Variants in DLC1 observed in about 807,000 individuals in gnomAD.
The protein encoded by DLC1 is rho GTPase-activating protein 7.
In DLC1, 54 loss-of-function variants were observed where a neutral mutation model predicts 140.3. The observed-to-expected ratio is 0.38, with a 90% CI of 0.31 to 0.48. The LOEUF (loss-of-function observed/expected upper bound fraction) is 0.48, where lower values mean the gene tolerates loss of function less well. DLC1 is among the 20% of genes least tolerant of loss of function. DLC1 has a pLI of 0.96. For missense variants in DLC1, 2,536 were observed against 1,907.0 expected, an observed-to-expected ratio of 1.33 and a Z score of -6.14; for synonymous variants, 986 against 728.1, an observed-to-expected ratio of 1.35 and a Z score of -5.70.
intron 2 of DLC1, among the ~76,000 whole-genome samples, chr8:13,421,913 G>A (rs1312903638): frequency 6.6e-6 from 1 of 151,996 alleles, no homozygotes; most frequent in Non-Finnish European, 1.5e-5. Context: ...TTCTCCATAT[G>A]AACTATGTAC....
chr8:13,263,395 C>T (rs1481002864), intron 5 of DLC1, among the ~76,000 whole-genome samples: 1 of 151,970 alleles, frequency 6.6e-6, no homozygotes, highest in African/African-American at 2.4e-5. Flanking sequence ...ATGTTATTAT[C>T]ATCTTTAAAT....
At position 13,494,279 on chromosome 8, in the gene DLC1, CT is replaced by C. The variant is rs553514283; in HGVS notation, c.1023+4769del. Among the ~76,000 whole-genome samples, 107 of 152,270 alleles carry C rather than the reference CT, an allele frequency of 7.0e-4. 1 individual carries two copies. In the South Asian group the frequency reaches 0.017, roughly 24 times the overall value. On this transcript the variant is annotated intron_variant, in intron 2 of 17. Coordinates refer to ENST00000276297, the MANE Select transcript of DLC1 (RefSeq NM_182643.3). ...AGTTATCTCTCAATATAAATTGTCC[CT>C]TACGTCTTTGATAATAGAACTTTTA...
intron 2 of DLC1, among the ~76,000 whole-genome samples, chr8:13,406,708 C>T (rs910731634): frequency 6.6e-6 from 1 of 152,216 alleles, no homozygotes; most frequent in Non-Finnish European, 1.5e-5. Flanking sequence ...ACTGTTGGTG[C>T]CCAGAATTAA....
intron 2 of DLC1, among the ~76,000 whole-genome samples, chr8:13,460,367 G>C (rs1313778866): frequency 6.6e-6 from 1 of 152,168 alleles, no homozygotes; most frequent in African/African-American, 2.4e-5. Flanking sequence ...CTTACTAAAA[G>C]ACTTCTGTAC....
At chr8:13,561,249 A>C (rs901191921) in intron 1 of DLC1, among the ~76,000 whole-genome samples, 1 of 151,844 alleles carries the variant, frequency 6.6e-6, no homozygotes, top group African/African-American at 2.4e-5. Flanking sequence ...CCTCCTCAGT[A>C]GCTAGGACTA....
At chr8:13,177,984 A>G (rs561286421) in intron 5 of DLC1, among the ~76,000 whole-genome samples, 69 of 152,330 alleles carry the variant, frequency 4.5e-4, no homozygotes, top group African/African-American at 1.2e-3. Flanking sequence ...TATTTAAGAT[A>G]ATAAGATATA....
In DLC1 at chr8:13,431,401, T is replaced by A. The variant is rs530913859; in HGVS notation, c.1024-29782A>T. Reference sequence around the variant, plus strand: ...GGGAGGCTGAGGCAGGAGAATGGTGTGAACCCGGGAGGCGGAGCTTGCAGT... The same window carrying A: ...GGGAGGCTGAGGCAGGAGAATGGTGAGAACCCGGGAGGCGGAGCTTGCAGT... On this transcript the variant is annotated intron_variant, in intron 2 of 17. Coordinates refer to ENST00000276297, the MANE Select transcript of DLC1 (RefSeq NM_182643.3). Among the ~76,000 whole-genome samples the A allele has an allele frequency of 1.0e-4, 14 of 136,322 alleles. No individual in the cohort carries two copies. In the East Asian group the frequency reaches 3.1e-3, roughly 30 times the overall value. 89.4% of individuals were successfully genotyped at this position (136,322 alleles called of 152,430 possible). A position where few individuals can be genotyped will look rare whatever the true frequency, so the allele number is the denominator to read the frequency against.
chr8:13,273,991 C>G (rs1039787302), intron 5 of DLC1, among the ~76,000 whole-genome samples: 3 of 152,062 alleles, frequency 2.0e-5, no homozygotes, highest in African/African-American at 4.8e-5. Context: ...CACTTTTTAC[C>G]TGTTACCTCA....
intron 4 of DLC1, among the ~76,000 whole-genome samples, chr8:13,313,007 CCT>C (rs781092495): frequency 1.1e-4 from 17 of 152,092 alleles, no homozygotes; most frequent in Non-Finnish European, 1.3e-4. Context: ...ATGTTACACT[CCT>C]CATAATGATT....
At chr8:13,281,561 T>G (rs534402719) in intron 5 of DLC1, among the ~76,000 whole-genome samples, 1 of 152,192 alleles carries the variant, frequency 6.6e-6, no homozygotes. Flanking sequence ...AATTTATACA[T>G]AAATAAATAT....
At chr8:13,231,365 A>G (rs1829039436) in intron 5 of DLC1, among the ~76,000 whole-genome samples, 1 of 152,206 alleles carries the variant, frequency 6.6e-6, no homozygotes, top group Non-Finnish European at 1.5e-5. Flanking sequence ...TTTCCCACTG[A>G]TGACTGTGTG....
chr8:13,327,054 A>T (rs1833381662), intron 4 of DLC1, among the ~76,000 whole-genome samples: 1 of 149,662 alleles, frequency 6.7e-6, no homozygotes, highest in African/African-American at 2.5e-5. Context: ...TCCCAGGTTC[A>T]TGCCACTCTC....
intron 1 of DLC1, among the ~76,000 whole-genome samples, chr8:13,576,111 C>G (rs917998165): frequency 2.6e-5 from 4 of 152,202 alleles, no homozygotes; most frequent in Non-Finnish European, 5.9e-5. Flanking sequence ...AGATCACACT[C>G]TTTATCAGAA....
chr8:13,506,294 T>G (rs1802061644), intron 1 of DLC1, among the ~76,000 whole-genome samples: 1 of 152,180 alleles, frequency 6.6e-6, no homozygotes, highest in African/African-American at 2.4e-5. Flanking sequence ...TGTGTACACA[T>G]ATATATTGAT....
intron 5 of DLC1, among the ~76,000 whole-genome samples, chr8:13,145,729 A>G (rs1382184830): frequency 6.6e-6 from 1 of 152,222 alleles, no homozygotes. Flanking sequence ...ACGTGGATAA[A>G]TCTTTGAAAC....
intron 2 of DLC1, among the ~76,000 whole-genome samples, chr8:13,421,125 T>G (rs906393596): frequency 1.1e-4 from 16 of 152,208 alleles, no homozygotes; most frequent in African/African-American, 3.9e-4. Context: ...ACACCATTTT[T>G]AAGTTTTCCA....
chr8:13,367,189 C>G (rs1730550764), intron 4 of DLC1, among the ~76,000 whole-genome samples: 1 of 152,166 alleles, frequency 6.6e-6, no homozygotes, highest in Admixed American at 6.5e-5. Context: ...CTCGTTCTGG[C>G]TGCTGTCATA....
chr8:13,489,137 G>C (rs997108630), intron 2 of DLC1, among the ~76,000 whole-genome samples: 1 of 151,816 alleles, frequency 6.6e-6, no homozygotes, highest in African/African-American at 2.4e-5. Flanking sequence ...AATAGAGACA[G>C]GGTTTCATCA....
At position 13,514,609 on chromosome 8, in the gene DLC1, A is replaced by T; in HGVS notation, c.-133T>A. 2.5e-6 allele frequency: 1 copy of T among 398,576 alleles called. No individual in the cohort carries two copies. The highest frequency in any genetic ancestry group is 1.3e-4 in the South Asian group (1 of 7,858). The allele number at this position is 398,576 out of a possible 1,614,324, so 24.7% of individuals were successfully genotyped here. On this transcript the variant is annotated 5_prime_UTR_variant, in exon 1 of 18. The change creates a new upstream start codon in the 5' untranslated region. Coordinates refer to ENST00000276297, the MANE Select transcript of DLC1 (RefSeq NM_182643.3). ...TAGTCCATAGCGTCTTACCTAGACA[A>T]CGAGGAGCTGAAACGCCAAGGCATG...
Sources: gnomAD v4.1 joint callset for allele counts (sites outside exome capture counted in the v4.1 genomes callset) on GRCh38, gnomAD v4.1.1 for gene constraint, MANE v1.5 for transcripts, NCBI Gene and HGNC (gene_info 2026-07-23, HGNC 2026-07-21) for gene names.